SFT2D1: variants seen among roughly 807,000 people sequenced by gnomAD.
SFT2D1 encodes the protein SFT2 domain containing 1.
Under a neutral mutation model 28.1 loss-of-function variants are expected in SFT2D1, and 24 were observed. The ratio of observed to expected loss-of-function variants is 0.85; its 90% CI spans 0.62 to 1.20. SFT2D1 has a LOEUF of 1.20. SFT2D1 is among the 50% of genes most tolerant of loss of function. The probability of loss-of-function intolerance (pLI) is 0.00; values close to 1 mark genes in which losing one functional copy is unlikely to be tolerated. For missense variants in SFT2D1, 181 were observed against 190.9 expected, an observed-to-expected ratio of 0.95 and a Z score of 0.31; for synonymous variants, 82 against 73.7, an observed-to-expected ratio of 1.11 and a Z score of -0.58.
intron 4 of SFT2D1, 114 bp downstream of exon 4, chr6:166,328,162 T>TA (rs367915119): frequency 7.3e-4 from 317 of 432,296 alleles, no homozygotes; most frequent in South Asian, 1.1e-3. Context: ...AGTATAATAA[T>TA]AAAAAAAAAT....
chr6:166,324,226 G>C (rs1353945694), intron 6 of SFT2D1: 15 of 257,936 alleles, frequency 5.8e-5, no homozygotes, highest in Non-Finnish European at 1.0e-4. Context: ...CTGTGATTTG[G>C]TCTCACTTTT....
chr6:166,320,527 A>C (rs1778331952), intron 7 of SFT2D1, among the ~76,000 whole-genome samples: 1 of 151,954 alleles, frequency 6.6e-6, no homozygotes, highest in African/African-American at 2.4e-5. Flanking sequence ...AATACCAAAA[A>C]TAACCTAACA....
rs201532173 is a variant in SFT2D1 at position 166,329,595 on chromosome 6, TTAAGA to T, written c.151-11_151-7del. On this transcript the variant is annotated splice_region_variant and splice_polypyrimidine_tract_variant and intron_variant, in intron 2 of 7. Coordinates refer to ENST00000361731, the MANE Select transcript of SFT2D1 (RefSeq NM_145169.3). ...AGCCACAGCAATCCAGTTCCCTAAG[TTAAGA>T]TATTATAGTTATTTTAAAATAATTT... 2.1e-3 allele frequency: 3,430 copies of T among 1,598,092 alleles called. 63 individuals carry two copies. In the African/African-American group the frequency reaches 0.039, roughly 18 times the overall value.
chr6:166,324,725 ATAAAT>A, intron 5 of SFT2D1, 130 bp from the exon 6 acceptor site: 1 of 858,172 alleles, frequency 1.2e-6, no homozygotes, highest in Non-Finnish European at 1.8e-6. Context: ...TTTTAGTGTG[ATAAAT>A]TTAAGATACA....
intron 7 of SFT2D1, among the ~76,000 whole-genome samples, chr6:166,320,540 A>C (rs1778332241): frequency 6.6e-6 from 1 of 150,508 alleles, no homozygotes; most frequent in Admixed American, 6.6e-5. Flanking sequence ...ACCTAACAAA[A>C]GATCTAACTT....
At chr6:166,331,988 G>C (rs559186971) in intron 1 of SFT2D1, among the ~76,000 whole-genome samples, 1 of 152,238 alleles carries the variant, frequency 6.6e-6, no homozygotes, top group South Asian at 2.1e-4. Flanking sequence ...GAAACAGCAC[G>C]GCTATTTGTA....
chr6:166,336,959 T>C (rs185452612), intron 1 of SFT2D1, among the ~76,000 whole-genome samples: 1 of 152,250 alleles, frequency 6.6e-6, no homozygotes, highest in East Asian at 1.9e-4. Flanking sequence ...GGGGATTAAG[T>C]TTCAACATAG....
intron 6 of SFT2D1, chr6:166,323,632 C>T: frequency 6.6e-6 from 1 of 152,164 alleles, no homozygotes; most frequent in Non-Finnish European, 1.5e-5. Context: ...CACAAAAAGG[C>T]TACAAGGAGG....
At chr6:166,336,104 G>A (rs1243875603) in intron 1 of SFT2D1, among the ~76,000 whole-genome samples, 1 of 152,166 alleles carries the variant, frequency 6.6e-6, no homozygotes, top group African/African-American at 2.4e-5. Context: ...TTTAAAAAAC[G>A]TGCTGTGTAA....
At chr6:166,327,352 G>A (rs748069656) in intron 4 of SFT2D1, among the ~76,000 whole-genome samples, 84 of 152,236 alleles carry the variant, frequency 5.5e-4, no homozygotes, top group Non-Finnish European at 3.4e-4. Context: ...TGAACACCCA[G>A]CACGTATGAG....
At chr6:166,342,337 C>G in intron 1 of SFT2D1, 82 bp downstream of exon 1, 1 of 1,349,854 alleles carries the variant, frequency 7.4e-7, no homozygotes. Flanking sequence ...GCCTCGCACC[C>G]ACCCCACCCG....
At chr6:166,323,014 C>T in intron 6 of SFT2D1, 128 bp from the exon 7 acceptor site, 3 of 693,316 alleles carry the variant, frequency 4.3e-6, no homozygotes, top group Non-Finnish European at 7.5e-6. Flanking sequence ...CAAAGTGTGA[C>T]CCCGACCAGC....
In SFT2D1 at chr6:166,342,455, G is replaced by C. The variant is rs1304336620; in HGVS notation, c.27C>G (p.Ser9Arg). 2 of 1,558,826 alleles carry C rather than the reference G, an allele frequency of 1.3e-6. No individual in the cohort carries two copies. Among genetic ancestry groups the C allele is most frequent in the South Asian group, 2.4e-5 (2 of 84,644 alleles). MEKLRRVL[S>R]GQDDEEQGLT... Reference sequence around the variant, plus strand: ...GGCCCTGCTCCTCGTCGTCCTGGCCGCTCAGGACTCGCCGCAGCTTCTCCA... The same window carrying C: ...GGCCCTGCTCCTCGTCGTCCTGGCCCCTCAGGACTCGCCGCAGCTTCTCCA... The change falls in exon 1 of 8, where the codon AGC becomes AGG. Residue 9 changes from serine (S) to arginine (R), a missense_variant. Ser to Arg is a moderately radical substitution (Grantham distance 110). Transcript: ENST00000361731.
intron 1 of SFT2D1, among the ~76,000 whole-genome samples, chr6:166,338,001 T>C (rs1261215799): frequency 6.6e-6 from 1 of 152,178 alleles, no homozygotes; most frequent in African/African-American, 2.4e-5. Flanking sequence ...GAGGCAACAG[T>C]GTGACACCAG....
chr6:166,342,311 G>T, intron 1 of SFT2D1, 108 bp downstream of exon 1: 1 of 933,770 alleles, frequency 1.1e-6, no homozygotes, highest in Non-Finnish European at 1.5e-6. Context: ...CCGGGCAGAG[G>T]AGTCCCAGAC....
chr6:166,320,274 G>T lies in SFT2D1; in HGVS notation c.441-18C>A. 1 of 1,601,286 alleles carries T rather than the reference G, an allele frequency of 6.2e-7. No homozygotes were observed. The highest frequency in any genetic ancestry group is 8.5e-7 in the Non-Finnish European group (1 of 1,173,520). On this transcript the variant is annotated intron_variant, in intron 7 of 7. Transcript: ENST00000361731. ...CTGCATCCCTGGTGGAAAAGAGAGG[G>T]AAAAAAACAGAATATAATATTCCTC...
At chr6:166,323,807 G>C (rs1346705042) in intron 6 of SFT2D1, 1 of 152,168 alleles carries the variant, frequency 6.6e-6, no homozygotes, top group Admixed American at 6.5e-5. Flanking sequence ...TACTGGTTGA[G>C]TATCAACCAA....
At chr6:166,336,048 T>C (rs1412591806) in intron 1 of SFT2D1, among the ~76,000 whole-genome samples, 1 of 152,252 alleles carries the variant, frequency 6.6e-6, no homozygotes, top group Non-Finnish European at 1.5e-5. Flanking sequence ...ATGCTGTTGA[T>C]TGCTAAATGT....
chr6:166,335,457 A>G, intron 1 of SFT2D1: 1 of 542,366 alleles, frequency 1.8e-6, no homozygotes, highest in Non-Finnish European at 3.6e-6. Flanking sequence ...GGTGGTGGAG[A>G]ACAATACTTT....
Sources: allele counts gnomAD v4.1 joint callset (sites outside exome capture counted in the v4.1 genomes callset), GRCh38; gene constraint gnomAD v4.1.1; transcripts MANE v1.5; gene names NCBI Gene and HGNC (gene_info 2026-07-23, HGNC 2026-07-21).